Variants in BSG observed in about 807,000 individuals in gnomAD.
The protein encoded by BSG is basigin (Ok blood group).
Under a neutral mutation model 43.1 loss-of-function variants are expected in BSG, and 37 were observed. The ratio of observed to expected loss-of-function variants is 0.86; its 90% CI spans 0.66 to 1.13. The LOEUF (loss-of-function observed/expected upper bound fraction) is 1.13. Among genes scored for constraint, BSG ranks in the 50% most tolerant of loss-of-function variants. BSG has a pLI of 0.00. For synonymous variants in BSG, 309 were observed against 238.7 expected, an observed-to-expected ratio of 1.29 and a Z score of -2.72; for missense variants, 599 against 554.2, an observed-to-expected ratio of 1.08 and a Z score of -0.81.
At chr19:578,772 C>A (rs1344064925) in intron 2 of BSG, 7 of 300,454 alleles carry the variant, frequency 2.3e-5, no homozygotes, top group Non-Finnish European at 4.6e-5. Context: ...TCTTGCTGTT[C>A]CCAGGTGGAG....
Position 580,416 on chromosome 19 carries a change from G to A in BSG, c.610G>A (p.Val204Ile), listed in dbSNP as rs765981796. ...SDDQWGEYSC[V>I]FLPEPMGTAN... The stretch of plus-strand genomic sequence containing the variant: ...CGACCAGTGGGGAGAGTACTCCTGC[G>A]TCTTCCTCCCCGAGCCCATGGGCAC... Residue 204 changes from valine to isoleucine, a missense_variant, in exon 4 of 9, where the codon GTC becomes ATC. Physicochemically the swap from Val to Ile is conservative, Grantham distance 29 (BLOSUM62 3). Transcript: ENST00000333511. The A allele has an allele frequency of 2.2e-5, 36 of 1,611,230 alleles. No individual in the cohort carries two copies. Among genetic ancestry groups the A allele is most frequent in the South Asian group, 3.3e-5 (3 of 91,096 alleles).
chr19:571,324 G>T, upstream of BSG: 1 of 589,568 alleles, frequency 1.7e-6, no homozygotes, highest in South Asian at 2.0e-5. Flanking sequence ...AGCCCTTCGC[G>T]TTCGGCTTAG....
In BSG at chr19:580,656, A is replaced by G. The variant is rs764716540; in HGVS notation, c.666A>G (p.Arg222=). ...TCACCCTCCTGTCAGGGCCTCCCAG[A>G]GTGAAGGCTGTGAAGTCGTCAGAAC... is the stretch of plus-strand genomic sequence containing the variant. ...TANIQLHGPP[R]VKAVKSSEHI... Residue 222 remains arginine (R), a synonymous_variant, in exon 5 of 9, where the codon AGA becomes AGG. Transcript: ENST00000333511. 1.2e-6 allele frequency: 2 copies of G among 1,612,766 alleles called. No individual in the cohort carries two copies. The highest frequency in any genetic ancestry group is 1.7e-5 in the Admixed American group (1 of 60,018).
At chr19:571,485 G>C, upstream of BSG, 1 of 777,604 alleles carries the variant, frequency 1.3e-6, no homozygotes, top group Non-Finnish European at 2.4e-6. Context: ...CCGCGTTGCT[G>C]AGAGTCTGGG....
chr19:575,241 C>G (rs943676892), intron 1 of BSG: 1 of 152,460 alleles, frequency 6.6e-6, no homozygotes, highest in African/African-American at 2.4e-5. Context: ...GGGACTGACT[C>G]GTGAAGACCA....
Position 580,425 on chromosome 19 carries a change from C to G in BSG, c.619C>G (p.Pro207Ala). The part of the protein sequence containing the change: ...QWGEYSCVFL[P>A]EPMGTANIQL... ...GGGAGAGTACTCCTGCGTCTTCCTC[C>G]CCGAGCCCATGGGCACGGCCAACAT... Residue 207 changes from proline (P) to alanine (A), a missense_variant, in exon 4 of 9, where the codon CCC becomes GCC. Coordinates refer to ENST00000333511, the MANE Select transcript of BSG (RefSeq NM_001728.4). 12 of 1,611,288 alleles carry G rather than the reference C, an allele frequency of 7.4e-6. No individual in the cohort carries two copies. Among genetic ancestry groups the G allele is most frequent in the Non-Finnish European group, 1.0e-5 (12 of 1,179,916 alleles).
At chr19:579,199 C>T (rs990851595) in intron 2 of BSG, 1 of 525,666 alleles carries the variant, frequency 1.9e-6, no homozygotes, top group South Asian at 1.5e-5. Context: ...CATCGCCAGG[C>T]GGGGCCTCTG....
At chr19:572,942 C>G (rs1981402954) in intron 1 of BSG, among the ~76,000 whole-genome samples, 1 of 112,764 alleles carries the variant, frequency 8.9e-6, no homozygotes, top group South Asian at 3.7e-4. Context: ...GCTCCGGCCT[C>G]GAGCCCGGCC....
At chr19:572,831 C>T (rs1044933044) in intron 1 of BSG, 130 bp downstream of exon 1, 3 of 1,099,292 alleles carry the variant, frequency 2.7e-6, no homozygotes, top group African/African-American at 1.6e-5. Context: ...AGGCCGGCCC[C>T]GGGGGCTTCC....
rs748723048 is a variant in BSG at position 578,024 on chromosome 19, C to G, written c.318C>G (p.Tyr106Ter). Residue 106 changes from tyrosine to a stop codon, truncating the protein, a stop_gained, in exon 2 of 9, where the codon TAC becomes TAG. Transcript: ENST00000333511. LOFTEE classifies it high-confidence loss of function. ...TCGTGGAGGAGGACACGGGCACTTACGAGTGCCGGGCCAGCAACGACCCGG... is the reference window on the plus strand; with the variant it reads ...TCGTGGAGGAGGACACGGGCACTTAGGAGTGCCGGGCCAGCAACGACCCGG... ...DTLVEEDTGT[Y>*]ECRASNDPDR... 8.1e-6 allele frequency: 13 copies of G among 1,611,932 alleles called. No homozygotes were observed. Among genetic ancestry groups the G allele is most frequent in the East Asian group, 2.2e-5 (1 of 44,858 alleles).
intron 6 of BSG, 145 bp downstream of exon 6, chr19:581,736 A>G (rs995929201): frequency 3.3e-6 from 4 of 1,200,220 alleles, no homozygotes; most frequent in Admixed American, 5.7e-5. Flanking sequence ...CCCGAAAGAA[A>G]GTGTGGGATG....
chr19:576,742 C>CT (rs1212144353), intron 1 of BSG, among the ~76,000 whole-genome samples: 3 of 128,696 alleles, frequency 2.3e-5, no homozygotes, highest in Non-Finnish European at 4.8e-5. Context: ...GAGTGAGACT[C>CT]TGTCTCAAAA....
intron 1 of BSG, among the ~76,000 whole-genome samples, chr19:574,676 C>T (rs1045588796): frequency 6.6e-6 from 1 of 152,226 alleles, no homozygotes; most frequent in South Asian, 2.1e-4. Flanking sequence ...GGCATTGAGC[C>T]GTAGGGGGCC....
rs769305749 is a variant in BSG, at chr19:578,058, C to T, written c.352C>T (p.His118Tyr). The change falls in exon 2 of 9, where the codon CAC becomes TAC. Residue 118 changes from histidine (H) to tyrosine (Y), a missense_variant. His to Tyr is a moderately conservative substitution (Grantham distance 83). Transcript: ENST00000333511. Reference protein sequence around the residue: ...CRASNDPDRNHLTRAPRVKWV... With the variant: ...CRASNDPDRNYLTRAPRVKWV... ...GGCCAGCAACGACCCGGATCGCAAC[C>T]ACCTGACCCGGGCGCCCAGGGTCAA... 6.2e-6 allele frequency: 10 copies of T among 1,610,002 alleles called. No homozygotes were observed. The South Asian group carries it at 7.7e-5, about 12-fold the overall frequency.
intron 7 of BSG, 88 bp from the exon 8 acceptor site, chr19:582,426 G>T: frequency 6.2e-7 from 1 of 1,600,846 alleles, no homozygotes; most frequent in Admixed American, 1.7e-5. Context: ...TTCAGTATTC[G>T]GGGGTCCTGG....
chr19:580,006 G>A (rs867870841), intron 3 of BSG: 79 of 414,098 alleles, frequency 1.9e-4, no homozygotes, highest in African/African-American at 1.4e-3. Flanking sequence ...TGCCCTGCTC[G>A]GACCCCAGAC....
intron 2 of BSG, chr19:578,722 G>A (rs1479971069): frequency 8.7e-5 from 25 of 288,398 alleles, no homozygotes; most frequent in Admixed American, 1.5e-4. Context: ...CTTGGCCGGG[G>A]GTGCTGTGGC....
chr19:580,677 A>T lies in BSG; in HGVS notation c.687A>T (p.Ser229=). The change falls in exon 5 of 9, where the codon TCA becomes TCT. Residue 229 remains serine (S), a synonymous_variant. Transcript: ENST00000333511. ...CCAGAGTGAAGGCTGTGAAGTCGTCAGAACACATCAACGAGGGGGAGACGG... is the reference window on the plus strand; with the variant it reads ...CCAGAGTGAAGGCTGTGAAGTCGTCTGAACACATCAACGAGGGGGAGACGG... ...GPPRVKAVKS[S]EHINEGETAM... is the part of the protein sequence containing the mutation. 6.2e-7 allele frequency: 1 copy of T among 1,612,868 alleles called. No individual in the cohort carries two copies. The highest frequency in any genetic ancestry group is 1.1e-5 in the South Asian group (1 of 91,082).
intron 6 of BSG, among the ~76,000 whole-genome samples, 200 bp from the exon 7 acceptor site, chr19:582,106 C>T (rs1227974257): frequency 6.6e-6 from 1 of 152,226 alleles, no homozygotes; most frequent in African/African-American, 2.4e-5. Flanking sequence ...GGGAGCACAC[C>T]TGCAGGTGGG....
Sources: gnomAD v4.1 joint callset for allele counts (sites outside exome capture counted in the v4.1 genomes callset) on GRCh38, gnomAD v4.1.1 for gene constraint, MANE v1.5 for transcripts, NCBI Gene and HGNC (gene_info 2026-07-23, HGNC 2026-07-21) for gene names.